The following RBFOX1 variants were observed in gnomAD, a reference collection of about 807,000 sequenced individuals.
RBFOX1 encodes RNA binding protein fox-1 homolog 1.
In RBFOX1, 8 loss-of-function variants were observed where a neutral mutation model predicts 57.7. That is an observed-to-expected ratio of 0.14 (90% CI 0.08 to 0.25). The LOEUF is 0.25. Ranked by LOEUF, RBFOX1 falls within the 10% of genes least tolerant of loss-of-function variation. The probability of loss-of-function intolerance (pLI) is 1.00; values close to 1 mark genes in which losing one functional copy is unlikely to be tolerated. For missense variants in RBFOX1, 611 were observed against 548.5 expected (o/e 1.11, Z -1.14); for synonymous variants, 326 against 222.4 (o/e 1.47, Z -4.15).
chr16:6,175,871 G>A, intron 1 of RBFOX1, among the ~76,000 whole-genome samples: 1 of 152,134 alleles, frequency 6.6e-6, no homozygotes, highest in Non-Finnish European at 1.5e-5. Flanking sequence ...AGAGAGGAGA[G>A]CCTGAGGCAG....
At chr16:6,110,682 C>T (rs888689330) in intron 1 of RBFOX1, among the ~76,000 whole-genome samples, 2 of 152,180 alleles carry the variant, frequency 1.3e-5, no homozygotes, top group Non-Finnish European at 2.9e-5. Context: ...TGAATATCAT[C>T]TCAGTCCTCA....
At chr16:6,710,809 T>G (rs2063581769) in intron 3 of RBFOX1, among the ~76,000 whole-genome samples, 1 of 152,188 alleles carries the variant, frequency 6.6e-6, no homozygotes, top group African/African-American at 2.4e-5. Context: ...AAATGAGAGA[T>G]CCTCTTCCCC....
intron 2 of RBFOX1, among the ~76,000 whole-genome samples, chr16:6,519,434 C>G (rs1288119223): frequency 6.6e-6 from 1 of 152,166 alleles, no homozygotes; most frequent in African/African-American, 2.4e-5. Flanking sequence ...GGCGCAGTGG[C>G]TCATGGCTGT....
rs186366491 is a variant in RBFOX1, at chr16:5,701,190, C to T, written c.318+102229C>T. Among the ~76,000 whole-genome samples the T allele has an allele frequency of 9.8e-5, 15 of 152,304 alleles. No homozygotes were observed. In the East Asian group the frequency reaches 2.7e-3, roughly 27 times the overall value. On this transcript the variant is annotated intron_variant, in intron 3 of 19. Transcript: ENST00000641259. ...TCTGTTTCTTGCATTGCATTATTGGCTAATTGCTGGCCTCCCCTGCCAGAC... is the reference window on the plus strand; with the variant it reads ...TCTGTTTCTTGCATTGCATTATTGGTTAATTGCTGGCCTCCCCTGCCAGAC...
rs1057385377 is a variant in RBFOX1 at position 7,671,432 on chromosome 16, G to A, written c.931-5342G>A. On this transcript the variant is annotated intron_variant, in intron 13 of 15. Transcript: ENST00000550418. ...TTTCAGCTTGGTGGGCCAGTCCCAA[G>A]GCTTGGTGAAGTAAGAGAGAAGCAA... The A allele has an allele frequency of 2.9e-5, 25 of 865,566 alleles. No individual in the cohort carries two copies. The African/African-American group carries it at 3.0e-4, about 10-fold the overall frequency. 53.6% of individuals were successfully genotyped at this position (865,566 alleles called of 1,614,324 possible). A position where few individuals can be genotyped will look rare whatever the true frequency, so the allele number is the denominator to read the frequency against.
At position 6,515,873 on chromosome 16, in the gene RBFOX1, A is replaced by G. The variant is rs1013426402; in HGVS notation, c.-63-138730A>G. ...AATTTCACTCTATCCTTTAACACCT[A>G]GCTCAAATGTCAGCTTTGCATAATT... On this transcript the variant is annotated intron_variant, in intron 2 of 15. Coordinates refer to ENST00000550418, the MANE Select transcript of RBFOX1 (RefSeq NM_018723.4). Among the ~76,000 whole-genome samples, 5 of 152,258 alleles carry G rather than the reference A, an allele frequency of 3.3e-5. No homozygotes were observed. The East Asian group carries it at 9.6e-4, about 29-fold the overall frequency.
intron 4 of RBFOX1, among the ~76,000 whole-genome samples, chr16:5,970,215 C>G (rs985312431): frequency 6.6e-6 from 1 of 152,144 alleles, no homozygotes; most frequent in Non-Finnish European, 1.5e-5. Context: ...TCTTGACATT[C>G]ATGAAGGCAC....
intron 4 of RBFOX1, among the ~76,000 whole-genome samples, chr16:7,414,778 T>C (rs2098462894): frequency 6.6e-6 from 1 of 152,120 alleles, no homozygotes; most frequent in African/African-American, 2.4e-5. Context: ...CCACCATGAC[T>C]GGCCAATTTT....
chr16:7,213,461 A>G (rs1280016385), intron 4 of RBFOX1, among the ~76,000 whole-genome samples: 1 of 152,202 alleles, frequency 6.6e-6, no homozygotes, highest in Non-Finnish European at 1.5e-5. Context: ...TCCATGAATC[A>G]GACTTTAATA....
chr16:7,407,099 G>T (rs1307473667), intron 4 of RBFOX1, among the ~76,000 whole-genome samples: 2 of 152,108 alleles, frequency 1.3e-5, no homozygotes, highest in Non-Finnish European at 2.9e-5. Context: ...TGGGGGAACG[G>T]GTGGTATTTG....
chr16:7,062,215 A>C (rs1176080981), intron 4 of RBFOX1, among the ~76,000 whole-genome samples: 1 of 148,324 alleles, frequency 6.7e-6, no homozygotes, highest in African/African-American at 2.5e-5. Context: ...GCTACTCAGG[A>C]GGCTGAGGCA....
At position 6,930,561 on chromosome 16, in the gene RBFOX1, C is replaced by T. The variant is rs138863211; in HGVS notation, c.-15-121496C>T. The stretch of plus-strand genomic sequence containing the variant: ...AGCAGTTGGGATTACAGGTACCCCC[C>T]ACCATGCCTGGCTAATTTTGGTACT... On this transcript the variant is annotated intron_variant, in intron 3 of 15. Transcript: ENST00000550418. Among the ~76,000 whole-genome samples the T allele has an allele frequency of 2.8e-4, 42 of 152,154 alleles. 1 individual carries two copies. The East Asian group carries it at 8.2e-3, about 30-fold the overall frequency.
At chr16:6,633,273 T>G (rs2098404789) in intron 2 of RBFOX1, among the ~76,000 whole-genome samples, 1 of 151,950 alleles carries the variant, frequency 6.6e-6, no homozygotes, top group African/African-American at 2.4e-5. Context: ...TCTTGAGTCT[T>G]TATTTTTATT....
rs1491510352 is a variant in RBFOX1, at chr16:6,859,140, CGT to C, written c.-15-192916_-15-192915del. ...ATATATATATATATACATATATATA[CGT>C]ATATATATATGTATATATATACGTA... On this transcript the variant is annotated intron_variant, in intron 3 of 15. Transcript: ENST00000550418. Among the ~76,000 whole-genome samples, 13 of 91,504 alleles carry C rather than the reference CGT, an allele frequency of 1.4e-4. 1 individual carries two copies. The highest frequency in any genetic ancestry group is 6.6e-4 in the African/African-American group (12 of 18,182). The allele number at this position is 91,504 out of a possible 152,430, so 60.0% of individuals were successfully genotyped here.
chr16:6,831,039 C>G (rs969422138), intron 3 of RBFOX1, among the ~76,000 whole-genome samples: 1 of 152,198 alleles, frequency 6.6e-6, no homozygotes, highest in Non-Finnish European at 1.5e-5. Flanking sequence ...CAATTGATCT[C>G]ACTCTTTTTG....
chr16:6,732,804 G>T (rs1265772037), intron 3 of RBFOX1, among the ~76,000 whole-genome samples: 1 of 152,170 alleles, frequency 6.6e-6, no homozygotes, highest in African/African-American at 2.4e-5. Flanking sequence ...AAATAATGAG[G>T]TGGAGTTTTT....
intron 3 of RBFOX1, among the ~76,000 whole-genome samples, chr16:6,693,980 G>C (rs1417931426): frequency 6.6e-6 from 1 of 152,176 alleles, no homozygotes; most frequent in Non-Finnish European, 1.5e-5. Flanking sequence ...CAAAACCAAG[G>C]TAACTATAAA....
intron 3 of RBFOX1, among the ~76,000 whole-genome samples, chr16:6,715,595 C>G (rs182599651): frequency 1.3e-5 from 2 of 152,266 alleles, no homozygotes; most frequent in Admixed American, 6.5e-5. Context: ...TCCAGATTGG[C>G]TGAGCTAGTT....
At chr16:6,606,563 G>A (rs1170674416) in intron 2 of RBFOX1, among the ~76,000 whole-genome samples, 1 of 152,016 alleles carries the variant, frequency 6.6e-6, no homozygotes, top group Non-Finnish European at 1.5e-5. Context: ...TCCCCTCCCT[G>A]TGTCCATGTG....
Sources: gnomAD v4.1 joint callset for allele counts (sites outside exome capture counted in the v4.1 genomes callset) on GRCh38, gnomAD v4.1.1 for gene constraint, MANE v1.5 for transcripts, NCBI Gene and HGNC (gene_info 2026-07-23, HGNC 2026-07-21) for gene names.